The following HECA variants were observed in gnomAD, a reference collection of about 807,000 sequenced individuals.
The protein encoded by HECA is headcase protein homolog.
Under a neutral mutation model 37.6 loss-of-function variants are expected in HECA, and 13 were observed. That is an observed-to-expected ratio of 0.35 (90% CI 0.23 to 0.55). The LOEUF (loss-of-function observed/expected upper bound fraction) is 0.55, where lower values mean the gene tolerates loss of function less well. HECA is among the 20% of genes least tolerant of loss of function. The pLI is 0.90. For missense variants in HECA, 527 were observed against 701.9 expected (o/e 0.75, Z 2.82); for synonymous variants, 307 against 291.5 (o/e 1.05, Z -0.54).
Position 139,176,967 on chromosome 6 carries a change from G to A in HECA, c.1494G>A (p.Gly498=), listed in dbSNP as rs1386908900. ...CCCGCCTGAACTGTAAGCACTGTGG[G>A]AAGCCGGTGATCGACGTGAGGATCG... is the stretch of plus-strand genomic sequence containing the variant. ...CQARLNCKHC[G]KPVIDVRIGM... The change falls in exon 4 of 4, where the codon GGG becomes GGA. Residue 498 remains glycine (G), a synonymous_variant. Transcript: ENST00000367658. The surrounding 1 kb of genome is among the most constrained non-coding windows in gnomAD (Gnocchi z 4.5). The A allele has an allele frequency of 3.4e-6, 3 of 872,534 alleles. No individual in the cohort carries two copies. The Admixed American group carries it at 5.1e-5, about 15-fold the overall frequency. The allele number at this position is 872,534 out of a possible 1,614,324, so 54.0% of individuals were successfully genotyped here. A position where few individuals can be genotyped will look rare whatever the true frequency, so the allele number is the denominator to read the frequency against.
intron 1 of HECA, among the ~76,000 whole-genome samples, chr6:139,153,602 T>C (rs1305603617): frequency 2.0e-5 from 3 of 152,022 alleles, no homozygotes; most frequent in African/African-American, 7.2e-5. Flanking sequence ...TTTGTATTTT[T>C]AGTAGAGACG....
At chr6:139,153,872 A>C (rs1448547734) in intron 1 of HECA, among the ~76,000 whole-genome samples, 1 of 152,224 alleles carries the variant, frequency 6.6e-6, no homozygotes, top group East Asian at 1.9e-4. Context: ...ATAAACTTTT[A>C]AATTTTTATT....
At chr6:139,171,973 G>T (rs1228930684) in intron 2 of HECA, among the ~76,000 whole-genome samples, 3 of 152,062 alleles carry the variant, frequency 2.0e-5, no homozygotes, top group African/African-American at 7.3e-5. Context: ...TGGGACTACA[G>T]GCGCCGCCAC....
At chr6:139,169,523 T>A (rs887796891) in intron 2 of HECA, 5 of 152,254 alleles carry the variant, frequency 3.3e-5, no homozygotes, top group Admixed American at 1.3e-4. Flanking sequence ...ATTTTGAGAA[T>A]TGTACCTAAC....
At chr6:139,171,462 T>C (rs1774972055) in intron 2 of HECA, among the ~76,000 whole-genome samples, 1 of 152,194 alleles carries the variant, frequency 6.6e-6, no homozygotes, top group Non-Finnish European at 1.5e-5. Context: ...TGTTTAATTA[T>C]TACCAGAGAA....
At chr6:139,173,903 TGTG>T (rs959288441) in intron 2 of HECA, among the ~76,000 whole-genome samples, 1 of 152,218 alleles carries the variant, frequency 6.6e-6, no homozygotes, top group African/African-American at 2.4e-5. Flanking sequence ...TAATTTTGGT[TGTG>T]GTGTAATTCT....
chr6:139,157,845 T>G (rs1043570041), intron 1 of HECA, among the ~76,000 whole-genome samples: 2 of 152,038 alleles, frequency 1.3e-5, no homozygotes, highest in Non-Finnish European at 2.9e-5. Flanking sequence ...GGTGTGTGCC[T>G]GCATGTAGCA....
intron 2 of HECA, among the ~76,000 whole-genome samples, chr6:139,169,060 T>C (rs1774934320): frequency 6.6e-6 from 1 of 152,230 alleles, no homozygotes; most frequent in Non-Finnish European, 1.5e-5. Flanking sequence ...CAGTTTCCTC[T>C]ATTTGTCGTG....
chr6:139,163,118 G>C, intron 1 of HECA, among the ~76,000 whole-genome samples: 1 of 152,198 alleles, frequency 6.6e-6, no homozygotes, highest in Non-Finnish European at 1.5e-5. Flanking sequence ...CAGGTTTATT[G>C]CATCCAGTGA....
At position 139,179,732 on chromosome 6, in the gene HECA, T is replaced by C. The variant is rs1039888200; in HGVS notation, c.*2627T>C. ...CTTAATACCCCAAGCTTGCCCTGAA[T>C]ACTTTGATTGGAATTGGAATATATC... On this transcript the variant is annotated 3_prime_UTR_variant, in exon 4 of 4. Transcript: ENST00000367658. 2 of 152,212 alleles carry C rather than the reference T, an allele frequency of 1.3e-5. No homozygotes were observed. The highest frequency in any genetic ancestry group is 1.3e-4 in the Admixed American group (2 of 15,282). The allele number at this position is 152,212 out of a possible 1,614,324, so 9.4% of individuals were successfully genotyped here.
chr6:139,138,239 G>A (rs1022274529), intron 1 of HECA, among the ~76,000 whole-genome samples: 4 of 152,106 alleles, frequency 2.6e-5, no homozygotes, highest in South Asian at 2.1e-4. Flanking sequence ...CAAGAGATGC[G>A]TAAATTCTCA....
chr6:139,161,802 G>A (rs1288163285), intron 1 of HECA, among the ~76,000 whole-genome samples: 9 of 152,138 alleles, frequency 5.9e-5, no homozygotes, highest in South Asian at 2.1e-4. Flanking sequence ...TTTCAGGGAC[G>A]TTTACTTCAA....
chr6:139,163,725 T>C (rs984065588), intron 1 of HECA, among the ~76,000 whole-genome samples: 6 of 152,196 alleles, frequency 3.9e-5, no homozygotes, highest in Non-Finnish European at 8.8e-5. Flanking sequence ...TACCAATCTC[T>C]GCAGGGGAAT....
intron 3 of HECA, among the ~76,000 whole-genome samples, chr6:139,175,912 T>C (rs1043901376): frequency 6.6e-6 from 1 of 152,126 alleles, no homozygotes; most frequent in Admixed American, 6.5e-5. Flanking sequence ...CCTACTGAAA[T>C]GGAAAATATG....
chr6:139,162,929 C>T (rs996654767), intron 1 of HECA, among the ~76,000 whole-genome samples: 2 of 152,072 alleles, frequency 1.3e-5, no homozygotes, highest in African/African-American at 4.8e-5. Flanking sequence ...TCTTCTGTAC[C>T]CTGCCCATGC....
chr6:139,168,424 A>T (rs1236338194), intron 2 of HECA, among the ~76,000 whole-genome samples: 4 of 140,026 alleles, frequency 2.9e-5, no homozygotes, highest in Admixed American at 7.4e-5. Context: ...TGATTTGCAT[A>T]GTTTTTTTTT....
intron 1 of HECA, among the ~76,000 whole-genome samples, chr6:139,155,051 G>A (rs914528960): frequency 1.3e-5 from 2 of 152,186 alleles, no homozygotes; most frequent in African/African-American, 2.4e-5. Context: ...TAAGAAGTGT[G>A]TCATTTGGCG....
At chr6:139,168,370 A>T (rs1391947107) in intron 2 of HECA, among the ~76,000 whole-genome samples, 1 of 151,346 alleles carries the variant, frequency 6.6e-6, no homozygotes, top group Non-Finnish European at 1.5e-5. Context: ...AGTACCATAT[A>T]GTCTAGGACT....
intron 1 of HECA, 43 bp downstream of exon 1, chr6:139,135,710 C>A (rs1436556510): frequency 1.1e-6 from 1 of 933,020 alleles, no homozygotes; most frequent in Non-Finnish European, 1.3e-6. Flanking sequence ...TCCTCCCCGA[C>A]GGGGACGGCG....
Sources: gnomAD v4.1 joint callset for allele counts (sites outside exome capture counted in the v4.1 genomes callset) on GRCh38, gnomAD v4.1.1 for gene constraint, Gnocchi (gnomAD v3.1) non-coding constraint, MANE v1.5 for transcripts, NCBI Gene and HGNC (gene_info 2026-07-23, HGNC 2026-07-21) for gene names.